Variants in LRRK2 observed in about 807,000 individuals in gnomAD.
LRRK2 encodes leucine rich repeat kinase 2.
In LRRK2, 203 loss-of-function variants were observed where a neutral mutation model predicts 302.6. That is an observed-to-expected ratio of 0.67 (90% confidence interval 0.60 to 0.75). The LOEUF (loss-of-function observed/expected upper bound fraction) is 0.75. LRRK2 is among the 30% of genes least tolerant of loss of function. LRRK2 has a pLI of 0.00. For synonymous variants in LRRK2, 1,066 were observed against 1,031.9 expected (o/e 1.03, Z -0.63); for missense variants, 2,830 against 2,951.0 (o/e 0.96, Z 0.95).
chr12:40,313,512 C>T (rs1945102313), intron 31 of LRRK2, among the ~76,000 whole-genome samples: 1 of 151,950 alleles, frequency 6.6e-6, no homozygotes, highest in Non-Finnish European at 1.5e-5. Context: ...CCCAATATAA[C>T]ATTTTACAAA....
chr12:40,232,992 A>G (rs963901762), intron 3 of LRRK2, among the ~76,000 whole-genome samples: 3 of 152,198 alleles, frequency 2.0e-5, no homozygotes, highest in Non-Finnish European at 2.9e-5. Flanking sequence ...CTTAGCCATC[A>G]TTAATTAAGA....
Position 40,295,025 on chromosome 12 carries a change from T to A in LRRK2, c.2878+111T>A, listed in dbSNP as rs894920481. 92 of 689,630 alleles carry A rather than the reference T, an allele frequency of 1.3e-4. No individual in the cohort carries two copies. The African/African-American group carries it at 1.5e-3, about 11-fold the overall frequency. The allele number at this position is 689,630 out of a possible 1,614,324, so 42.7% of individuals were successfully genotyped here. On this transcript the variant is annotated intron_variant, in intron 22 of 50. Coordinates refer to ENST00000298910, the MANE Select transcript of LRRK2 (RefSeq NM_198578.4). The stretch of plus-strand genomic sequence containing the variant: ...TTCTTGGTGCCAGTTTCATCTTACA[T>A]AATCTTCATATATATTTACCTAATG...
chr12:40,238,708 G>A (rs1941583519), intron 5 of LRRK2, among the ~76,000 whole-genome samples: 1 of 152,140 alleles, frequency 6.6e-6, no homozygotes, highest in Non-Finnish European at 1.5e-5. Flanking sequence ...ATTATTTTAA[G>A]AGCCCCTTTT....
At chr12:40,258,017 A>G (rs1942600472) in intron 12 of LRRK2, among the ~76,000 whole-genome samples, 1 of 152,134 alleles carries the variant, frequency 6.6e-6, no homozygotes, top group African/African-American at 2.4e-5. Context: ...GTGAAAACTA[A>G]TTTTGTTCCT....
chr12:40,321,433 C>T (rs1475917860), intron 35 of LRRK2, among the ~76,000 whole-genome samples: 5 of 151,988 alleles, frequency 3.3e-5, no homozygotes, highest in Non-Finnish European at 7.4e-5. Context: ...TAGGTGCTCA[C>T]TCAGATCTTG....
At chr12:40,337,798 C>T (rs529272088) in intron 40 of LRRK2, among the ~76,000 whole-genome samples, 19 of 152,306 alleles carry the variant, frequency 1.2e-4, no homozygotes, top group African/African-American at 4.6e-4. Context: ...TCTTGCTTCC[C>T]TTTGCGGCCC....
intron 25 of LRRK2, chr12:40,301,183 C>A: frequency 4.4e-6 from 2 of 450,770 alleles, no homozygotes; most frequent in Admixed American, 2.4e-5. Context: ...GAGAAGATGC[C>A]CCATGGAGGT....
intron 18 of LRRK2, among the ~76,000 whole-genome samples, chr12:40,280,396 G>A (rs1943637282): frequency 6.6e-6 from 1 of 152,024 alleles, no homozygotes; most frequent in South Asian, 2.1e-4. Flanking sequence ...AGTCAAGGCG[G>A]GAGGATCATT....
chr12:40,360,361 A>G (rs368666092), intron 47 of LRRK2, among the ~76,000 whole-genome samples: 24 of 152,144 alleles, frequency 1.6e-4, no homozygotes, highest in African/African-American at 5.1e-4. Context: ...TATCCATCAA[A>G]TTTCCCAAGA....
At position 40,225,059 on chromosome 12, in the gene LRRK2, C is replaced by G. The variant is rs952314083; in HGVS notation, c.-73C>G. ...GAGCTCGCCCCCGGGGAGCTGTGGC[C>G]GGCGCCCCTGCCGGTTCCCTGAGCA... On this transcript the variant is annotated 5_prime_UTR_variant, in exon 1 of 51. Transcript: ENST00000298910. 1 of 1,594,416 alleles carries G rather than the reference C, an allele frequency of 6.3e-7. No individual in the cohort carries two copies. The highest frequency in any genetic ancestry group is 1.3e-5 in the African/African-American group (1 of 74,472).
In LRRK2 at chr12:40,322,099, A is replaced by T. The variant is rs779658092; in HGVS notation, c.5235A>T (p.Glu1745Asp). ...RQGIYLNWSPEAYCLVGSEVL... is the reference protein window; with the variant it reads ...RQGIYLNWSPDAYCLVGSEVL... ...GCATTTACTTAAATTGGTCTCCTGA[A>T]GCTTATTGTCTGGTAGGATCTGAAG... Residue 1745 changes from glutamate to aspartate, a missense_variant, in exon 36 of 51, where the codon GAA becomes GAT. Glu to Asp is a conservative substitution (Grantham distance 45). This residue lies in a region of LRRK2 where 2,121 missense variants were observed against 2,148.0 expected (regional missense o/e 0.99). Transcript: ENST00000298910. 6.2e-7 allele frequency: 1 copy of T among 1,613,516 alleles called. No individual in the cohort carries two copies. Among genetic ancestry groups the T allele is most frequent in the Admixed American group, 1.7e-5 (1 of 59,988 alleles).
At position 40,275,826 on chromosome 12, in the gene LRRK2, G is replaced by C. The variant is rs528715549; in HGVS notation, c.1941+833G>C. ...AGGTTTCACCATATTTCCCAGGCTG[G>C]TCTCAAACTCCCTGGTCTCAAGCAA... is the stretch of plus-strand genomic sequence containing the variant. On this transcript the variant is annotated intron_variant, in intron 16 of 50. Transcript: ENST00000298910. Among the ~76,000 whole-genome samples the C allele has an allele frequency of 1.2e-4, 19 of 152,046 alleles. No homozygotes were observed. In the East Asian group the frequency reaches 3.7e-3, roughly 29 times the overall value.
chr12:40,225,098 C>T lies in LRRK2; in HGVS notation c.-34C>T, dbSNP rs752886290. 5 of 1,612,462 alleles carry T rather than the reference C, an allele frequency of 3.1e-6. No homozygotes were observed. Among genetic ancestry groups the T allele is most frequent in the Non-Finnish European group, 4.2e-6 (5 of 1,179,800 alleles). ...GTTCCCTGAGCAGCGGACGTTCATG[C>T]TGGGAGGGCGGCGGGTTGGAAGCAG... On this transcript the variant is annotated 5_prime_UTR_variant, in exon 1 of 51. Coordinates refer to ENST00000298910, the MANE Select transcript of LRRK2 (RefSeq NM_198578.4).
At chr12:40,348,648 A>C (rs1035271208) in intron 43 of LRRK2, 139 bp downstream of exon 43, 24 of 661,756 alleles carry the variant, frequency 3.6e-5, no homozygotes, top group Non-Finnish European at 5.6e-5. Context: ...CAAACCTCCT[A>C]TAATTTTCAC....
chr12:40,295,045 C>G (rs1944326380), intron 22 of LRRK2, 131 bp downstream of exon 22: 2 of 616,054 alleles, frequency 3.2e-6, no homozygotes, highest in African/African-American at 1.9e-5. Context: ...ATATATTTAC[C>G]TAATGATTCC....
intron 40 of LRRK2, 38 bp downstream of exon 40, chr12:40,335,195 A>C (rs746883161): frequency 1.9e-6 from 3 of 1,606,728 alleles, no homozygotes; most frequent in Non-Finnish European, 2.6e-6. Context: ...AGTGCATGAC[A>C]AGTGTGATCC....
rs764079007 is a variant in LRRK2, at chr12:40,251,266, A to G, written c.993A>G (p.Glu331=). Residue 331 remains glutamate, a synonymous_variant, in exon 9 of 51, where the codon GAA becomes GAG. Coordinates refer to ENST00000298910, the MANE Select transcript of LRRK2 (RefSeq NM_198578.4). ...ETIFLNQDLE[E]KNENQENDDE... is the part of the protein sequence containing the mutation. ...TTTTCTTAAATCAAGATTTAGAGGAAAAGAATGAGAATCAAGAGAATGATG... is the reference window on the plus strand; with the variant it reads ...TTTTCTTAAATCAAGATTTAGAGGAGAAGAATGAGAATCAAGAGAATGATG... The G allele has an allele frequency of 1.2e-6, 2 of 1,608,234 alleles. No individual in the cohort carries two copies. The highest frequency in any genetic ancestry group is 3.4e-5 in the Admixed American group (2 of 59,688).
chr12:40,322,070 C>T lies in LRRK2; in HGVS notation c.5206C>T (p.Gln1736Ter). 6.2e-7 allele frequency: 1 copy of T among 1,613,332 alleles called. No homozygotes were observed. Among genetic ancestry groups the T allele is most frequent in the Non-Finnish European group, 8.5e-7 (1 of 1,179,502 alleles). Residue 1736 changes from glutamine to a stop codon, truncating the protein, a stop_gained, in exon 36 of 51, where the codon CAA becomes TAA. Transcript: ENST00000298910. LOFTEE classifies it high-confidence loss of function. ...TCGCCCAAACAGAATGTATTGGCGA[C>T]AAGGCATTTACTTAAATTGGTCTCC... ...ALRPNRMYWR[Q>*]GIYLNWSPEA...
chr12:40,231,390 C>CAAAAAAAA (rs10631840), intron 2 of LRRK2, among the ~76,000 whole-genome samples: 2 of 106,664 alleles, frequency 1.9e-5, no homozygotes, highest in Non-Finnish European at 1.8e-5. Context: ...CCTGTCTTCA[C>CAAAAAAAA]AAAAAAAAAA....
Sources: allele counts gnomAD v4.1 joint callset (sites outside exome capture counted in the v4.1 genomes callset), GRCh38; gene constraint gnomAD v4.1.1; regional missense constraint gnomAD v4.1.1; transcripts MANE v1.5; gene names NCBI Gene and HGNC (gene_info 2026-07-23, HGNC 2026-07-21).